COL11A1: variants seen among roughly 807,000 people sequenced by gnomAD.
The protein encoded by COL11A1 is collagen type XI alpha 1 chain.
A neutral mutation model predicts 265.2 loss-of-function variants in COL11A1; 74 were observed. That is an observed-to-expected ratio of 0.28 (90% confidence interval 0.23 to 0.34). The LOEUF (loss-of-function observed/expected upper bound fraction) is 0.34, where lower values mean the gene tolerates loss of function less well. COL11A1 is among the 10% of genes least tolerant of loss of function. COL11A1 has a pLI of 1.00. For missense variants in COL11A1, 2,165 were observed against 2,263.6 expected (o/e 0.96, Z 0.88); for synonymous variants, 816 against 727.6 (o/e 1.12, Z -1.96).
intron 12 of COL11A1, among the ~76,000 whole-genome samples, 172 bp downstream of exon 12, chr1:103,015,496 A>G (rs1316153734): frequency 6.6e-6 from 1 of 152,120 alleles, no homozygotes; most frequent in East Asian, 1.9e-4. Context: ...GATTGATACC[A>G]TAATTTTGTT....
intron 4 of COL11A1, among the ~76,000 whole-genome samples, chr1:103,050,891 C>G (rs982689974): frequency 2.6e-5 from 4 of 152,178 alleles, no homozygotes; most frequent in African/African-American, 9.7e-5. Flanking sequence ...GCCTGGGTAT[C>G]AGCAGCAGAG....
intron 41 of COL11A1, among the ~76,000 whole-genome samples, chr1:102,949,559 A>G (rs907524072): frequency 6.6e-6 from 1 of 152,228 alleles, no homozygotes; most frequent in African/African-American, 2.4e-5. Context: ...CCATTTTAAG[A>G]GAATTAACTG....
chr1:103,024,558 G>A (rs1557961764), intron 7 of COL11A1, among the ~76,000 whole-genome samples: 1 of 152,168 alleles, frequency 6.6e-6, no homozygotes, highest in East Asian at 1.9e-4. Context: ...TGTCTACAGA[G>A]ACTGCATAAT....
At chr1:103,065,367 A>C (rs1454289336) in intron 4 of COL11A1, among the ~76,000 whole-genome samples, 1 of 151,910 alleles carries the variant, frequency 6.6e-6, no homozygotes, top group Non-Finnish European at 1.5e-5. Flanking sequence ...AAAAATACAA[A>C]AAATTAGCCG....
At chr1:102,905,231 G>C (rs1334569316) in intron 54 of COL11A1, among the ~76,000 whole-genome samples, 1 of 107,290 alleles carries the variant, frequency 9.3e-6, no homozygotes, top group South Asian at 4.2e-4. Flanking sequence ...TGTGGGGTGG[G>C]GGGAGGGGGG....
intron 37 of COL11A1, among the ~76,000 whole-genome samples, chr1:102,968,374 T>C (rs896649861): frequency 1.2e-4 from 18 of 152,174 alleles, no homozygotes; most frequent in African/African-American, 2.7e-4. Context: ...CTGAGACAAA[T>C]TTGGGTCATT....
chr1:103,031,103 T>C lies in COL11A1; in HGVS notation c.780+13A>G, dbSNP rs1322678821. ...TGAAATACGAAGACCTTCTCTGGTC[T>C]TGTGCTCCTCACCTCATCTATCTGA... On this transcript the variant is annotated intron_variant, in intron 5 of 66. Transcript: ENST00000370096. 1 of 1,613,340 alleles carries C rather than the reference T, an allele frequency of 6.2e-7. No homozygotes were observed. Among genetic ancestry groups the C allele is most frequent in the Non-Finnish European group, 8.5e-7 (1 of 1,179,504 alleles).
intron 41 of COL11A1, among the ~76,000 whole-genome samples, chr1:102,955,641 G>A (rs1660301663): frequency 6.6e-6 from 1 of 152,004 alleles, no homozygotes; most frequent in Non-Finnish European, 1.5e-5. Flanking sequence ...AATATCTGGA[G>A]GAGAGATTAT....
rs3056958 is a variant in COL11A1, at chr1:103,036,322, G to GTATATA, written c.652-5084_652-5079dup. 8.8e-4 allele frequency among the ~76,000 whole-genome samples: 124 copies of GTATATA among 140,376 alleles called. 1 individual carries two copies. Among genetic ancestry groups the GTATATA allele is most frequent in the African/African-American group, 3.1e-3 (118 of 38,172 alleles). 92.1% of individuals were successfully genotyped at this position (140,376 alleles called of 152,430 possible). On this transcript the variant is annotated intron_variant, in intron 4 of 66. Transcript: ENST00000370096. ...GCTGAAAAACAAAAAAGTTGCTATC[G>GTATATA]TATATATATATATATATATATATAT...
At position 103,004,618 on chromosome 1, in the gene COL11A1, T is replaced by A; in HGVS notation, c.1889A>T (p.Asp630Val). ...GAAGTATTAACATACCCTCATTCCATCATCACCAGGAGGACCTGGAGGACC... is the reference window on the plus strand; with the variant it reads ...GAAGTATTAACATACCCTCATTCCAACATCACCAGGAGGACCTGGAGGACC... ...PQGPPGPPGD[D>V]GMRGEDGEIG... Residue 630 changes from aspartate to valine, a missense_variant, in exon 19 of 67, where the codon GAT becomes GTT. Coordinates refer to ENST00000370096, the MANE Select transcript of COL11A1 (RefSeq NM_001854.4). 1.2e-6 allele frequency: 2 copies of A among 1,610,574 alleles called. No homozygotes were observed. Among genetic ancestry groups the A allele is most frequent in the Middle Eastern group, 3.9e-4 (2 of 5,088 alleles).
Position 102,921,442 on chromosome 1 carries a change from C to A in COL11A1, c.3708+76G>T, listed in dbSNP as rs1032700691. Reference sequence around the variant, plus strand: ...ACAATAGTTTAATATTGTTATAACTCACAAAGAGCATCTGCTATAAAATAA... The same window carrying A: ...ACAATAGTTTAATATTGTTATAACTAACAAAGAGCATCTGCTATAAAATAA... On this transcript the variant is annotated intron_variant, in intron 48 of 66. Coordinates refer to ENST00000370096, the MANE Select transcript of COL11A1 (RefSeq NM_001854.4). 49 of 1,211,946 alleles carry A rather than the reference C, an allele frequency of 4.0e-5. No individual in the cohort carries two copies. In the Admixed American group the frequency reaches 4.8e-4, roughly 12 times the overall value. 75.1% of individuals were successfully genotyped at this position (1,211,946 alleles called of 1,614,324 possible). A position where few individuals can be genotyped will look rare whatever the true frequency, so the allele number is the denominator to read the frequency against.
intron 10 of COL11A1, among the ~76,000 whole-genome samples, chr1:103,018,572 G>T (rs1325901905): frequency 1.3e-5 from 2 of 152,106 alleles, no homozygotes; most frequent in East Asian, 3.9e-4. Context: ...TCAGTAGAAA[G>T]ACGAAAATGA....
chr1:102,898,092 C>A, intron 57 of COL11A1, 33 bp downstream of exon 57: 1 of 1,470,180 alleles, frequency 6.8e-7, no homozygotes, highest in South Asian at 1.2e-5. Context: ...TAGAAATTCT[C>A]ACTTTTTAAA....
intron 54 of COL11A1, among the ~76,000 whole-genome samples, chr1:102,904,241 T>C (rs1435027386): frequency 6.6e-6 from 1 of 152,188 alleles, no homozygotes. Flanking sequence ...GATTAAAGAC[T>C]TAAATGTTAG....
rs184822858 is a variant in COL11A1 at position 103,106,710 on chromosome 1, G to A, written c.106+1363C>T. Among the ~76,000 whole-genome samples the A allele has an allele frequency of 2.6e-4, 39 of 152,218 alleles. No individual in the cohort carries two copies. In the Middle Eastern group the frequency reaches 0.01, roughly 40 times the overall value. ...ATATAGTCCTAATAGGACTTTCACTGTATTTAGCAGGAAAAGTCACCCAAG... is the reference window on the plus strand; with the variant it reads ...ATATAGTCCTAATAGGACTTTCACTATATTTAGCAGGAAAAGTCACCCAAG... On this transcript the variant is annotated intron_variant, in intron 1 of 66. Transcript: ENST00000370096.
intron 4 of COL11A1, among the ~76,000 whole-genome samples, chr1:103,061,081 C>T (rs1670639595): frequency 6.6e-6 from 1 of 151,764 alleles, no homozygotes; most frequent in Non-Finnish European, 1.5e-5. Flanking sequence ...CATTCTAAAA[C>T]TAATAAAAAG....
intron 4 of COL11A1, among the ~76,000 whole-genome samples, chr1:103,059,421 A>C (rs952139122): frequency 2.0e-5 from 3 of 152,128 alleles, no homozygotes; most frequent in African/African-American, 7.2e-5. Flanking sequence ...TTAAAAAAAA[A>C]CAAAACATAG....
Position 102,997,124 on chromosome 1 carries a change from C to A in COL11A1, c.2197G>T (p.Gly733Cys), listed in dbSNP as rs1473729252. ...AGLPGADGPP[G>C]HPGKEGQSGE... Reference sequence around the variant, plus strand: ...GACTGGCCTTCTTTCCCAGGATGACCCTATATTTAGCAAAAACATACACTG... The same window carrying A: ...GACTGGCCTTCTTTCCCAGGATGACACTATATTTAGCAAAAACATACACTG... Residue 733 changes from glycine to cysteine, a missense_variant and splice_region_variant, in exon 26 of 67, where the codon GGT (glycine) becomes TGT (cysteine). Physicochemically the swap from Gly to Cys is radical, Grantham distance 159. Coordinates refer to ENST00000370096, the MANE Select transcript of COL11A1 (RefSeq NM_001854.4). The A allele has an allele frequency of 6.2e-7, 1 of 1,611,234 alleles. No homozygotes were observed. The highest frequency in any genetic ancestry group is 1.3e-5 in the African/African-American group (1 of 74,900).
In COL11A1 at chr1:103,026,221, T is replaced by G; in HGVS notation, c.892A>C (p.Thr298Pro). 6.2e-7 allele frequency: 1 copy of G among 1,608,808 alleles called. No homozygotes were observed. Among genetic ancestry groups the G allele is most frequent in the Non-Finnish European group, 8.5e-7 (1 of 1,175,218 alleles). ...AGGCACTGCTTTGTTTTTACCTCCG[T>G]CTGTGCTATTGTCTCCTCAGTTACA... Reference protein sequence around the residue: ...PTVTEETIAQTEANIVDDFQE... With the variant: ...PTVTEETIAQPEANIVDDFQE... Residue 298 changes from threonine to proline, a missense_variant, in exon 6 of 67, where the codon ACG (threonine) becomes CCG (proline). Coordinates refer to ENST00000370096, the MANE Select transcript of COL11A1 (RefSeq NM_001854.4).
Sources: gnomAD v4.1 joint callset for allele counts (sites outside exome capture counted in the v4.1 genomes callset) on GRCh38, gnomAD v4.1.1 for gene constraint, MANE v1.5 for transcripts, NCBI Gene and HGNC (gene_info 2026-07-23, HGNC 2026-07-21) for gene names.